Variants in MSH4 observed in about 807,000 individuals in gnomAD.
MSH4 encodes mutS homolog 4.
Under a neutral mutation model 113.7 loss-of-function variants are expected in MSH4, and 106 were observed. The observed-to-expected ratio is 0.93, with a 90% CI of 0.80 to 1.10. MSH4 has a LOEUF of 1.10. Ranked by LOEUF, MSH4 falls within the 50% of genes least tolerant of loss-of-function variation. The pLI is 0.00. For missense variants in MSH4, 1,061 were observed against 1,093.7 expected, an observed-to-expected ratio of 0.97 and a Z score of 0.42; for synonymous variants, 368 against 380.2, an observed-to-expected ratio of 0.97 and a Z score of 0.37.
In MSH4 at chr1:75,833,733, G is replaced by A. The variant is rs551266334; in HGVS notation, c.1162+11152G>A. Among the ~76,000 whole-genome samples, 519 of 152,266 alleles carry A rather than the reference G, an allele frequency of 3.4e-3. 1 individual carries two copies. The highest frequency in any genetic ancestry group is 5.8e-3 in the Non-Finnish European group (393 of 68,024). On this transcript the variant is annotated intron_variant, in intron 7 of 19. Coordinates refer to ENST00000263187, the MANE Select transcript of MSH4 (RefSeq NM_002440.4). Reference sequence around the variant, plus strand: ...TGCTGGGAAAACTGGCTAGCCATACGTAGAAACCTGAAACTGGATCCCTTC... The same window carrying A: ...TGCTGGGAAAACTGGCTAGCCATACATAGAAACCTGAAACTGGATCCCTTC...
chr1:75,900,826 T>C (rs1652491385), intron 19 of MSH4, among the ~76,000 whole-genome samples: 1 of 152,190 alleles, frequency 6.6e-6, no homozygotes, highest in Admixed American at 6.5e-5. Flanking sequence ...TTCTGTACTC[T>C]GAAGAAGCTC....
At chr1:75,824,786 T>G (rs1390068833) in intron 7 of MSH4, among the ~76,000 whole-genome samples, 1 of 151,912 alleles carries the variant, frequency 6.6e-6, no homozygotes, top group Non-Finnish European at 1.5e-5. Flanking sequence ...GTGTTATTTC[T>G]CAGGTCTCTG....
rs529136329 is a variant in MSH4, at chr1:75,905,810, T to G, written c.2619+6104T>G. Among the ~76,000 whole-genome samples, 3 of 152,256 alleles carry G rather than the reference T, an allele frequency of 2.0e-5. No homozygotes were observed. In the South Asian group the frequency reaches 6.2e-4, roughly 32 times the overall value. On this transcript the variant is annotated intron_variant, in intron 19 of 19. Transcript: ENST00000263187. ...TTTATTATTATAGAATAACATTCTTTGTCTCTTTTTACAGTCTTTGACTTG... is the reference window on the plus strand; with the variant it reads ...TTTATTATTATAGAATAACATTCTTGGTCTCTTTTTACAGTCTTTGACTTG...
At chr1:75,808,412 A>G (rs1330788861) in intron 3 of MSH4, among the ~76,000 whole-genome samples, 1 of 152,152 alleles carries the variant, frequency 6.6e-6, no homozygotes, top group African/African-American at 2.4e-5. Flanking sequence ...ATTATTGCCT[A>G]TTTTATTGTG....
At chr1:75,854,637 T>C (rs539516159) in intron 8 of MSH4, among the ~76,000 whole-genome samples, 10 of 152,290 alleles carry the variant, frequency 6.6e-5, no homozygotes, top group Non-Finnish European at 1.2e-4. Context: ...CTCTTCTTCC[T>C]ATTTGGGCCC....
chr1:75,885,055 G>GTA (rs1469516814), intron 15 of MSH4, among the ~76,000 whole-genome samples: 59 of 102,244 alleles, frequency 5.8e-4, no homozygotes, highest in African/African-American at 2.1e-3. Context: ...GTGTGTGTGT[G>GTA]TGTGTATATA....
chr1:75,816,620 T>C (rs1287409258), intron 6 of MSH4, 74 bp downstream of exon 6: 2 of 886,720 alleles, frequency 2.3e-6, no homozygotes, highest in African/African-American at 3.5e-5. Context: ...AACTTTAAAG[T>C]TCTTTTTTTC....
intron 11 of MSH4, 112 bp downstream of exon 11, chr1:75,878,430 G>A (rs762199727): frequency 1.2e-4 from 96 of 833,720 alleles, no homozygotes; most frequent in East Asian, 4.7e-4. Context: ...TTTATTTTTC[G>A]TTACCAAAAC....
At chr1:75,890,932 A>G (rs1652238317) in intron 17 of MSH4, 108 bp downstream of exon 17, 4 of 1,014,872 alleles carry the variant, frequency 3.9e-6, no homozygotes, top group African/African-American at 3.4e-5. Context: ...CAATTTAGAT[A>G]GTAAACACAT....
At chr1:75,885,053 G>GTATATATATATA (rs1440812710) in intron 15 of MSH4, among the ~76,000 whole-genome samples, 1 of 103,680 alleles carries the variant, frequency 9.6e-6, no homozygotes, top group Admixed American at 1.0e-4. Flanking sequence ...GTGTGTGTGT[G>GTATATATATATA]TGTGTGTATA....
At chr1:75,850,011 C>T (rs1357500733) in intron 8 of MSH4, among the ~76,000 whole-genome samples, 1 of 152,088 alleles carries the variant, frequency 6.6e-6, no homozygotes, top group Non-Finnish European at 1.5e-5. Flanking sequence ...GTAAAATTGG[C>T]AGTGATACAC....
chr1:75,840,185 C>G (rs1279032483), intron 7 of MSH4, among the ~76,000 whole-genome samples: 1 of 148,462 alleles, frequency 6.7e-6, no homozygotes, highest in Admixed American at 6.7e-5. Context: ...ACCCAAAGGA[C>G]TATAAATCAT....
intron 19 of MSH4, 38 bp from the exon 20 acceptor site, chr1:75,912,658 G>T (rs753965549): frequency 3.5e-6 from 4 of 1,152,122 alleles, no homozygotes; most frequent in South Asian, 4.4e-5. Context: ...TATGGTATTT[G>T]TGTATATATA....
chr1:75,904,801 A>G (rs747281520), intron 19 of MSH4, among the ~76,000 whole-genome samples: 4 of 151,754 alleles, frequency 2.6e-5, no homozygotes, highest in African/African-American at 4.8e-5. Context: ...CTTGTTTTCT[A>G]TTTCTTCATG....
intron 19 of MSH4, among the ~76,000 whole-genome samples, chr1:75,906,620 A>G (rs1396594748): frequency 8.2e-6 from 1 of 121,672 alleles, no homozygotes; most frequent in East Asian, 2.2e-4. Context: ...CTTATAAAAT[A>G]TTTTATAGCT....
intron 13 of MSH4, 27 bp from the exon 14 acceptor site, chr1:75,881,219 T>C: frequency 6.9e-7 from 1 of 1,452,908 alleles, no homozygotes; most frequent in Non-Finnish European, 9.2e-7. Context: ...AAAACATTAT[T>C]ACATGTCTTA....
chr1:75,828,769 A>C (rs1323503568), intron 7 of MSH4, among the ~76,000 whole-genome samples: 1 of 152,220 alleles, frequency 6.6e-6, no homozygotes, highest in African/African-American at 2.4e-5. Context: ...TATCTATGCA[A>C]CAAACCTGCA....
chr1:75,910,224 T>G (rs1207828128), intron 19 of MSH4, among the ~76,000 whole-genome samples: 6 of 152,188 alleles, frequency 3.9e-5, no homozygotes, highest in Non-Finnish European at 8.8e-5. Flanking sequence ...AAGTTTTCTC[T>G]TAAATACCAA....
intron 15 of MSH4, among the ~76,000 whole-genome samples, chr1:75,886,920 C>T (rs1456211376): frequency 6.7e-6 from 1 of 149,774 alleles, no homozygotes; most frequent in African/African-American, 2.5e-5. Context: ...TATTTGAAAT[C>T]TAAGTTCTGC....
Sources: allele counts gnomAD v4.1 joint callset (sites outside exome capture counted in the v4.1 genomes callset), GRCh38; gene constraint gnomAD v4.1.1; transcripts MANE v1.5; gene names NCBI Gene and HGNC (gene_info 2026-07-23, HGNC 2026-07-21).